The following PIGN variants were observed in gnomAD, a reference collection of about 807,000 sequenced individuals.
PIGN encodes GPI ethanolamine phosphate transferase 1.
In PIGN, 117 loss-of-function variants were observed where a neutral mutation model predicts 125.4. That is an observed-to-expected ratio of 0.93 (90% CI 0.80 to 1.09). The LOEUF (loss-of-function observed/expected upper bound fraction) is 1.09, where lower values mean the gene tolerates loss of function less well. Among genes scored for constraint, PIGN ranks in the 50% least tolerant of loss-of-function variants. PIGN has a pLI of 0.00. For missense variants in PIGN, 1,075 were observed against 1,094.9 expected (o/e 0.98, Z 0.26); for synonymous variants, 392 against 377.8 (o/e 1.04, Z -0.44).
chr18:62,124,487 G>A (rs1380590682), intron 14 of PIGN, among the ~76,000 whole-genome samples: 1 of 152,152 alleles, frequency 6.6e-6, no homozygotes, highest in Non-Finnish European at 1.5e-5. Flanking sequence ...GGACTTGGGA[G>A]TTTCAGGTTT....
chr18:62,153,302 T>A (rs1230583433), intron 7 of PIGN: 1 of 152,242 alleles, frequency 6.6e-6, no homozygotes, highest in Admixed American at 6.5e-5. Context: ...GATGACTTCA[T>A]ATTTTCATTA....
intron 23 of PIGN, among the ~76,000 whole-genome samples, chr18:62,028,307 C>A (rs2030150383): frequency 6.6e-6 from 1 of 152,210 alleles, no homozygotes. Flanking sequence ...CTTTATTCTC[C>A]TGAGCCATCC....
intron 16 of PIGN, among the ~76,000 whole-genome samples, chr18:62,110,617 A>C (rs184468050): frequency 5.3e-5 from 8 of 152,154 alleles, no homozygotes; most frequent in Non-Finnish European, 8.8e-5. Flanking sequence ...TTTAAGAGCA[A>C]AACTAAGGGT....
chr18:62,147,076 C>G lies in PIGN; in HGVS notation c.700G>C (p.Val234Leu). 3.1e-6 allele frequency: 5 copies of G among 1,605,108 alleles called. No individual in the cohort carries two copies. The highest frequency in any genetic ancestry group is 4.3e-6 in the Non-Finnish European group (5 of 1,172,942). The change falls in exon 9 of 31, where the codon GTT becomes CTT. Residue 234 changes from valine to leucine, a missense_variant. Physicochemically the swap from Val to Leu is conservative, Grantham distance 32 (BLOSUM62 1). Around this residue, in one of 3 missense-constraint regions of PIGN, gnomAD observed 915 missense variants for 908.7 expected, o/e 1.01. Transcript: ENST00000640252. ...ACGATTTCTTTAACTCCATCATCAACTTTTTTAATATTGTGCTTGTAGTCT... is the reference window on the plus strand; with the variant it reads ...ACGATTTCTTTAACTCCATCATCAAGTTTTTTAATATTGTGCTTGTAGTCT... The part of the protein sequence containing the change: ...SRDYKHNIKK[V>L]DDGVKEIVSM...
intron 20 of PIGN, among the ~76,000 whole-genome samples, chr18:62,104,578 T>C (rs972136630): frequency 8.5e-5 from 13 of 152,202 alleles, no homozygotes; most frequent in African/African-American, 2.9e-4. Flanking sequence ...ACAATTATTT[T>C]GAGCTCTGCT....
intron 14 of PIGN, among the ~76,000 whole-genome samples, chr18:62,119,619 A>G (rs2035220682): frequency 6.6e-6 from 1 of 152,108 alleles, no homozygotes; most frequent in South Asian, 2.1e-4. Context: ...CAAGGTGGGC[A>G]GATCACTTGA....
chr18:62,030,598 T>G (rs893625470), intron 23 of PIGN, among the ~76,000 whole-genome samples: 6 of 152,072 alleles, frequency 3.9e-5, no homozygotes, highest in Non-Finnish European at 5.9e-5. Flanking sequence ...CATTAAAGAG[T>G]AGTGAACTCC....
At chr18:62,021,872 T>C (rs1303629716) in intron 23 of PIGN, among the ~76,000 whole-genome samples, 1 of 152,212 alleles carries the variant, frequency 6.6e-6, no homozygotes, top group African/African-American at 2.4e-5. Flanking sequence ...TATCTGGAGC[T>C]TTAAGTTCTC....
chr18:62,085,186 A>ATG, intron 26 of PIGN, 23 bp downstream of exon 26: 1 of 1,302,310 alleles, frequency 7.7e-7, no homozygotes, highest in Non-Finnish European at 1.1e-6. Flanking sequence ...TTATATATAT[A>ATG]TGCCACTTTC....
chr18:62,144,335 G>T (rs1422825297), intron 10 of PIGN, among the ~76,000 whole-genome samples: 1 of 152,058 alleles, frequency 6.6e-6, no homozygotes, highest in East Asian at 1.9e-4. Context: ...CTGGAATGTT[G>T]GCAATGCTCT....
chr18:62,059,352 G>A (rs1205413170), intron 30 of PIGN, among the ~76,000 whole-genome samples: 1 of 152,022 alleles, frequency 6.6e-6, no homozygotes, highest in Non-Finnish European at 1.5e-5. Flanking sequence ...ACCAGGCAAG[G>A]AGGTGGGGAG....
At chr18:62,086,063 A>T (rs1025665076) in intron 25 of PIGN, among the ~76,000 whole-genome samples, 9 of 152,236 alleles carry the variant, frequency 5.9e-5, no homozygotes, top group Non-Finnish European at 1.2e-4. Flanking sequence ...CATCTAAGCA[A>T]CCGTTTATTG....
intron 1 of PIGN, among the ~76,000 whole-genome samples, chr18:62,183,196 A>G (rs1363453775): frequency 2.0e-5 from 3 of 149,984 alleles, no homozygotes; most frequent in South Asian, 2.1e-4. Context: ...GAAGAACATC[A>G]TGTACACAAT....
Position 62,143,310 on chromosome 18 carries a change from T to C in PIGN, c.959A>G (p.Asn320Ser), listed in dbSNP as rs936914222. 9.3e-6 allele frequency: 14 copies of C among 1,507,976 alleles called. No homozygotes were observed. The highest frequency in any genetic ancestry group is 6.9e-5 in the African/African-American group (5 of 72,672). 93.4% of individuals were successfully genotyped at this position (1,507,976 alleles called of 1,614,324 possible). Residue 320 changes from asparagine (N) to serine (S), a missense_variant, in exon 11 of 31, where the codon AAT becomes AGT. Asn to Ser is a conservative substitution (Grantham distance 46, BLOSUM62 1). Around this residue, in one of 3 missense-constraint regions of PIGN, gnomAD observed 915 missense variants for 908.7 expected, o/e 1.01. Transcript: ENST00000640252. ...TAATAAAATCGAACTGGATACCTGA[T>C]TGACATCTAGCCTCTTCCAATTCTC... ...RLENWKRLDV[N>S]QADIAPLMTS...
chr18:62,104,146 A>G (rs1018412482), intron 20 of PIGN, among the ~76,000 whole-genome samples: 1 of 152,202 alleles, frequency 6.6e-6, no homozygotes, highest in Admixed American at 6.5e-5. Flanking sequence ...AAATATAGCT[A>G]GTAGGATAAA....
intron 28 of PIGN, 27 bp downstream of exon 28, chr18:62,082,646 A>T: frequency 7.7e-7 from 1 of 1,303,736 alleles, no homozygotes; most frequent in Non-Finnish European, 1.1e-6. Context: ...AGGCAAATCA[A>T]ATGTTTCTTA....
At chr18:62,142,155 T>C (rs534278096) in intron 11 of PIGN, among the ~76,000 whole-genome samples, 3 of 152,230 alleles carry the variant, frequency 2.0e-5, no homozygotes, top group Non-Finnish European at 4.4e-5. Flanking sequence ...CCCTAAGGTA[T>C]ACATTTCCCA....
chr18:62,161,605 A>T (rs2036955870), intron 3 of PIGN, among the ~76,000 whole-genome samples: 1 of 152,194 alleles, frequency 6.6e-6, no homozygotes, highest in Admixed American at 6.5e-5. Context: ...AAAAAGAAAA[A>T]GTTCAAGTAT....
intron 22 of PIGN, among the ~76,000 whole-genome samples, chr18:62,098,659 G>C (rs1599514442): frequency 6.6e-6 from 1 of 152,092 alleles, no homozygotes; most frequent in Non-Finnish European, 1.5e-5. Context: ...GCTAGACCAT[G>C]GTGTATCTGT....
Sources: gnomAD v4.1 joint callset for allele counts (sites outside exome capture counted in the v4.1 genomes callset) on GRCh38, gnomAD v4.1.1 for gene constraint, gnomAD v4.1.1 regional missense constraint, MANE v1.5 for transcripts, NCBI Gene and HGNC (gene_info 2026-07-23, HGNC 2026-07-21) for gene names.